Variants in ENG observed in about 807,000 individuals in gnomAD.
The protein encoded by ENG is CD105 antigen.
Under a neutral mutation model 71.0 loss-of-function variants are expected in ENG, and 17 were observed. That is an observed-to-expected ratio of 0.24 (90% CI 0.16 to 0.36). The LOEUF (loss-of-function observed/expected upper bound fraction) is 0.36. Among genes scored for constraint, ENG ranks in the 10% least tolerant of loss-of-function variants. The pLI is 1.00. For missense variants in ENG, 749 were observed against 868.3 expected, an observed-to-expected ratio of 0.86 and a Z score of 1.73; for synonymous variants, 360 against 366.9, an observed-to-expected ratio of 0.98 and a Z score of 0.21.
Position 127,815,362 on chromosome 9 carries a change from C to T in ENG, c.*320G>A, listed in dbSNP as rs41478248. 721 of 366,338 alleles carry T rather than the reference C, an allele frequency of 2.0e-3. 6 individuals are homozygous for T. Among genetic ancestry groups the T allele is most frequent in the African/African-American group, 0.014 (665 of 48,726 alleles). 22.7% of individuals were successfully genotyped at this position (366,338 alleles called of 1,614,324 possible). ...TCAAGTTCTCCCTTCCTGCCCAGCTCAGTTCACCAGTGCTGGATCCAGGTT... is the reference window on the plus strand; with the variant it reads ...TCAAGTTCTCCCTTCCTGCCCAGCTTAGTTCACCAGTGCTGGATCCAGGTT... On this transcript the variant is annotated 3_prime_UTR_variant, in exon 15 of 15. Transcript: ENST00000373203.
intron 2 of ENG, among the ~76,000 whole-genome samples, chr9:127,832,163 C>T (rs1402283977): frequency 2.7e-5 from 4 of 148,730 alleles, no homozygotes; most frequent in African/African-American, 1.0e-4. Context: ...GCAACCTCTG[C>T]CTCCTGGGTC....
Position 127,825,921 on chromosome 9 carries a change from G to A in ENG, c.524-61C>T, listed in dbSNP as rs1255364738. On this transcript the variant is annotated intron_variant, in intron 4 of 14. Coordinates refer to ENST00000373203, the MANE Select transcript of ENG (RefSeq NM_001114753.3). ...GCAGCCCTGCACCTAACAGAGCCCC[G>A]CCCTCACCCACAGCCAAAGATAGTG... The A allele has an allele frequency of 7.1e-6, 11 of 1,543,866 alleles. No individual in the cohort carries two copies. In the East Asian group the frequency reaches 2.0e-4, roughly 27 times the overall value.
chr9:127,815,850 C>T, intron 14 of ENG, 44 bp from the exon 15 acceptor site: 2 of 1,550,836 alleles, frequency 1.3e-6, no homozygotes, highest in Non-Finnish European at 1.7e-6. Flanking sequence ...AGGGTCCTGG[C>T]CAGGGCCCCT....
intron 2 of ENG, among the ~76,000 whole-genome samples, chr9:127,841,493 A>C (rs1225290278): frequency 6.7e-6 from 1 of 149,090 alleles, no homozygotes; most frequent in East Asian, 1.9e-4. Context: ...CCAAATTTGA[A>C]AAAAAAAAAT....
intron 5 of ENG, 90 bp downstream of exon 5, chr9:127,825,605 T>C: frequency 8.2e-7 from 1 of 1,212,200 alleles, no homozygotes; most frequent in Non-Finnish European, 1.1e-6. Flanking sequence ...GGGGTGGGGC[T>C]TTATAAGGGA....
intron 2 of ENG, among the ~76,000 whole-genome samples, chr9:127,840,585 C>CT (rs1366610409): frequency 5.3e-5 from 8 of 152,366 alleles, no homozygotes; most frequent in African/African-American, 9.6e-5. Context: ...TTCTGCTACT[C>CT]TGTGTTCTCA....
chr9:127,825,930 C>T, intron 4 of ENG, 70 bp from the exon 5 acceptor site: 1 of 1,541,338 alleles, frequency 6.5e-7, no homozygotes, highest in Admixed American at 2.0e-5. Context: ...CGCCCTCACC[C>T]ACAGCCAAAG....
intron 1 of ENG, among the ~76,000 whole-genome samples, chr9:127,845,663 G>A (rs1014240770): frequency 1.1e-4 from 16 of 152,154 alleles, no homozygotes; most frequent in African/African-American, 2.9e-4. Context: ...GAGGTGGCTG[G>A]GAGGACTCCA....
In ENG at chr9:127,846,779, AG is replaced by A. The variant is rs1831177625; in HGVS notation, c.68-3535del. On this transcript the variant is annotated intron_variant, in intron 1 of 14. Coordinates refer to ENST00000373203, the MANE Select transcript of ENG (RefSeq NM_001114753.3). This position sits in a 1 kb window ranked among gnomAD's most constrained non-coding sequence, Gnocchi z 5.5. ...ATCCCCTGGCACCAAGGGAAACGCC[AG>A]GGCCTCCCGGGACTGGGTCAGAGGA... Among the ~76,000 whole-genome samples the A allele has an allele frequency of 6.6e-6, 1 of 152,088 alleles. No individual in the cohort carries two copies.
chr9:127,826,739 G>A, intron 3 of ENG, 67 bp from the exon 4 acceptor site: 4 of 1,589,726 alleles, frequency 2.5e-6, no homozygotes, highest in Non-Finnish European at 3.4e-6. Flanking sequence ...CCATGTAGGA[G>A]GTCAGGAAGT....
rs1344068277 is a variant in ENG at position 127,854,457 on chromosome 9, G to A, written c.-102C>T. 1 of 1,315,540 alleles carries A rather than the reference G, an allele frequency of 7.6e-7. No homozygotes were observed. The highest frequency in any genetic ancestry group is 1.0e-6 in the Non-Finnish European group (1 of 964,148). The allele number at this position is 1,315,540 out of a possible 1,614,324, so 81.5% of individuals were successfully genotyped here. A position where few individuals can be genotyped will look rare whatever the true frequency, so the allele number is the denominator to read the frequency against. Reference sequence around the variant, plus strand: ...GCGTGGGCTCGCACGGGGACCCGAGGGGAGCAGGCGGCCGGAGCGACGGCG... The same window carrying A: ...GCGTGGGCTCGCACGGGGACCCGAGAGGAGCAGGCGGCCGGAGCGACGGCG... On this transcript the variant is annotated 5_prime_UTR_variant, in exon 1 of 15. Transcript: ENST00000373203.
At chr9:127,850,781 C>T (rs41379844) in intron 1 of ENG, among the ~76,000 whole-genome samples, 3,348 of 152,286 alleles carry the variant, frequency 0.022, 102 homozygotes, top group African/African-American at 0.073. Flanking sequence ...GCCTTGCTGC[C>T]GGGACGCAAT....
intron 2 of ENG, among the ~76,000 whole-genome samples, chr9:127,842,748 C>G (rs1199079822): frequency 2.0e-5 from 3 of 152,178 alleles, no homozygotes; most frequent in Admixed American, 1.3e-4. Context: ...AAAGTCCAAG[C>G]TCCCTAGAGA....
intron 2 of ENG, among the ~76,000 whole-genome samples, chr9:127,831,608 G>A (rs573356567): frequency 3.3e-5 from 5 of 151,184 alleles, no homozygotes; most frequent in South Asian, 2.1e-4. Context: ...GGCTGGTCTC[G>A]AACTCTGACC....
chr9:127,847,436 G>T (rs1275531820), intron 1 of ENG, among the ~76,000 whole-genome samples: 1 of 152,064 alleles, frequency 6.6e-6, no homozygotes, highest in Non-Finnish European at 1.5e-5. Flanking sequence ...TACTAGGACA[G>T]ATACTTTTCT....
chr9:127,849,754 C>T, intron 1 of ENG, among the ~76,000 whole-genome samples: 1 of 152,208 alleles, frequency 6.6e-6, no homozygotes, highest in African/African-American at 2.4e-5. Context: ...ATCCTCTCCA[C>T]TGTGGCAGCA....
At chr9:127,837,790 C>CCATT in intron 2 of ENG, among the ~76,000 whole-genome samples, 1 of 135,752 alleles carries the variant, frequency 7.4e-6, no homozygotes, top group Non-Finnish European at 1.5e-5. Context: ...ATCCATCCAT[C>CCATT]CATCCATCCA....
rs562315497 is a variant in ENG, at chr9:127,819,413, G to C, written c.1311+209C>G. ...TGACTTGCCCAAGGCCACACAGCCA[G>C]TATGTGCTAAGCCCTCTGACTTGAG... On this transcript the variant is annotated intron_variant, in intron 10 of 14. Coordinates refer to ENST00000373203, the MANE Select transcript of ENG (RefSeq NM_001114753.3). 4.4e-5 allele frequency: 28 copies of C among 633,796 alleles called. 1 individual carries two copies. The African/African-American group carries it at 4.6e-4, about 10-fold the overall frequency. The allele number at this position is 633,796 out of a possible 1,614,324, so 39.3% of individuals were successfully genotyped here.
Position 127,829,991 on chromosome 9 carries a change from C to T in ENG, c.220-164G>A, listed in dbSNP as rs575794968. 9.2e-5 allele frequency among the ~76,000 whole-genome samples: 14 copies of T among 152,140 alleles called. 1 individual carries two copies. In the South Asian group the frequency reaches 2.9e-3, roughly 32 times the overall value. On this transcript the variant is annotated intron_variant, in intron 2 of 14. Coordinates refer to ENST00000373203, the MANE Select transcript of ENG (RefSeq NM_001114753.3). ...GGGTAGTGCCTGTCCCTCTGGCCATCCTCAGGGAATTCACAATAAACAAAT... is the reference window on the plus strand; with the variant it reads ...GGGTAGTGCCTGTCCCTCTGGCCATTCTCAGGGAATTCACAATAAACAAAT...
Sources: allele counts gnomAD v4.1 joint callset (sites outside exome capture counted in the v4.1 genomes callset), GRCh38; gene constraint gnomAD v4.1.1; non-coding constraint Gnocchi (gnomAD v3.1); transcripts MANE v1.5; gene names NCBI Gene and HGNC (gene_info 2026-07-23, HGNC 2026-07-21).